The following CBFA2T3 variants were observed in gnomAD, a reference collection of about 807,000 sequenced individuals.
CBFA2T3 encodes CBFA2/RUNX1 partner transcriptional co-repressor 3.
Under a neutral mutation model 58.6 loss-of-function variants are expected in CBFA2T3, and 31 were observed. The ratio of observed to expected loss-of-function variants is 0.53; its 90% confidence interval spans 0.40 to 0.71. CBFA2T3 has a LOEUF of 0.71. Among genes scored for constraint, CBFA2T3 ranks in the 30% least tolerant of loss-of-function variants. The pLI is 0.00. For synonymous variants in CBFA2T3, 531 were observed against 421.9 expected (o/e 1.26, Z -3.17); for missense variants, 1,076 against 963.1 (o/e 1.12, Z -1.55).
In CBFA2T3 at chr16:88,958,011, G is replaced by A. The variant is rs989822585; in HGVS notation, c.151+18646C>T. The stretch of plus-strand genomic sequence containing the variant: ...AGATGTGTGGGTTATACCTCAACAA[G>A]GCTGCTGGAAAACCACAGTAGACCC... On this transcript the variant is annotated intron_variant, in intron 1 of 11. Coordinates refer to ENST00000268679, the MANE Select transcript of CBFA2T3 (RefSeq NM_005187.6). This position sits in a 1 kb window ranked among gnomAD's most constrained non-coding sequence, Gnocchi z 4.0. Among the ~76,000 whole-genome samples, 1 of 152,226 alleles carries A rather than the reference G, an allele frequency of 6.6e-6. No homozygotes were observed. Among genetic ancestry groups the A allele is most frequent in the Non-Finnish European group, 1.5e-5 (1 of 68,050 alleles).
intron 1 of CBFA2T3, among the ~76,000 whole-genome samples, chr16:88,913,435 T>G (rs1970592001): frequency 1.3e-5 from 2 of 152,248 alleles, no homozygotes; most frequent in African/African-American, 4.8e-5. Context: ...GCTTGTTACA[T>G]GGCGATAGCT....
intron 1 of CBFA2T3, 105 bp downstream of exon 1, chr16:88,976,552 G>T (rs930101839): frequency 2.3e-6 from 2 of 851,440 alleles, no homozygotes; most frequent in Non-Finnish European, 3.6e-6. Context: ...TGCCGGCACT[G>T]TCAACTAAGC....
chr16:88,896,300 C>T (rs73254230), intron 3 of CBFA2T3, among the ~76,000 whole-genome samples: 4,548 of 152,304 alleles, frequency 0.03, 237 homozygotes, highest in African/African-American at 0.1. Flanking sequence ...GGCTGCTCCC[C>T]TCAACCGGGC....
At chr16:88,915,309 G>A (rs1158344242) in intron 1 of CBFA2T3, among the ~76,000 whole-genome samples, 1 of 129,670 alleles carries the variant, frequency 7.7e-6, no homozygotes, top group South Asian at 2.8e-4. Flanking sequence ...CTCCTGCTCT[G>A]GGTCTGCCTA....
intron 1 of CBFA2T3, chr16:88,937,391 C>T (rs1971539924): frequency 6.5e-6 from 1 of 152,870 alleles, no homozygotes; most frequent in Non-Finnish European, 1.5e-5. Flanking sequence ...GCCAGTACCC[C>T]AGCAGTTGTG....
intron 1 of CBFA2T3, chr16:88,941,204 G>A (rs1164424280): frequency 2.0e-6 from 2 of 979,224 alleles, no homozygotes; most frequent in Non-Finnish European, 2.4e-6. Context: ...CGGCCGCCTG[G>A]GCCATGCCGG....
In CBFA2T3 at chr16:88,890,928, G is replaced by A. The variant is rs1969605649; in HGVS notation, c.711+954C>T. 3.3e-5 allele frequency among the ~76,000 whole-genome samples: 5 copies of A among 152,286 alleles called. No homozygotes were observed. In the Middle Eastern group the frequency reaches 0.01, roughly 311 times the overall value. ...GGGGTCTAGCTGTGTTGCCCAGGCT[G>A]GTCTTGAACTCCTGGCCTCAAGCAA... On this transcript the variant is annotated intron_variant, in intron 5 of 11. Coordinates refer to ENST00000268679, the MANE Select transcript of CBFA2T3 (RefSeq NM_005187.6).
Position 88,877,096 on chromosome 16 carries a change from G to T in CBFA2T3, c.1842C>A (p.Ala614=), listed in dbSNP as rs933434205. The part of the protein sequence containing the change: ...ADPVPGPPEA[A]HSLGPSLPVG... ...CAGGCAGGGAGGGGCCCAGGCTGTGGGCGGCTTCGGGCGGTCCAGGCACCG... is the reference window on the plus strand; with the variant it reads ...CAGGCAGGGAGGGGCCCAGGCTGTGTGCGGCTTCGGGCGGTCCAGGCACCG... The change falls in exon 12 of 12, where the codon GCC becomes GCA. Residue 614 remains alanine, a synonymous_variant. Transcript: ENST00000268679. 1.0e-5 allele frequency: 16 copies of T among 1,542,578 alleles called. No homozygotes were observed. Among genetic ancestry groups the T allele is most frequent in the Non-Finnish European group, 1.2e-5 (14 of 1,143,382 alleles).
At chr16:88,944,116 T>C (rs2142820503) in intron 1 of CBFA2T3, among the ~76,000 whole-genome samples, 1 of 152,040 alleles carries the variant, frequency 6.6e-6, no homozygotes, top group East Asian at 1.9e-4. Flanking sequence ...GGCCGGCGGA[T>C]CATGAGGTCA....
In CBFA2T3 at chr16:88,940,965, G is replaced by A. The variant is rs560733037; in HGVS notation, c.151+35692C>T. The A allele has an allele frequency of 1.8e-4, 158 of 874,506 alleles. 1 individual carries two copies. The African/African-American group carries it at 2.7e-3, about 15-fold the overall frequency. 54.2% of individuals were successfully genotyped at this position (874,506 alleles called of 1,614,324 possible). A position where few individuals can be genotyped will look rare whatever the true frequency, so the allele number is the denominator to read the frequency against. On this transcript the variant is annotated intron_variant, in intron 1 of 11. Coordinates refer to ENST00000268679, the MANE Select transcript of CBFA2T3 (RefSeq NM_005187.6). ...CGGCGCAGATCCGGGAACGGCAGCC[G>A]CGGGCGGAGTCGGGGTAGAGCGGCG...
chr16:88,905,679 A>AGGAGGGGCGGGGCT (rs1970287798), intron 1 of CBFA2T3, among the ~76,000 whole-genome samples: 1 of 112,630 alleles, frequency 8.9e-6, no homozygotes, highest in Non-Finnish European at 1.8e-5. Context: ...GTGGGGCTGA[A>AGGAGGGGCGGGGCT]GGAGGGGCGG....
At chr16:88,880,865 T>C in intron 9 of CBFA2T3, 77 bp from the exon 10 acceptor site, 1 of 1,358,374 alleles carries the variant, frequency 7.4e-7, no homozygotes, top group South Asian at 1.3e-5. Context: ...CCACCCTGGC[T>C]GGGCCCTGAG....
intron 1 of CBFA2T3, among the ~76,000 whole-genome samples, chr16:88,920,528 G>A (rs1369747085): frequency 2.0e-5 from 3 of 150,364 alleles, no homozygotes; most frequent in East Asian, 2.0e-4. Flanking sequence ...CAAGTGATCC[G>A]CCCACCTCGG....
At chr16:88,949,869 G>C (rs1475819576) in intron 1 of CBFA2T3, among the ~76,000 whole-genome samples, 2 of 151,944 alleles carry the variant, frequency 1.3e-5, no homozygotes, top group African/African-American at 4.8e-5. Flanking sequence ...AATTAGCTGG[G>C]CGTGGTGGTG....
At chr16:88,886,185 C>A in intron 5 of CBFA2T3, 43 bp from the exon 6 acceptor site, 1 of 1,419,112 alleles carries the variant, frequency 7.0e-7, no homozygotes. Context: ...TGCAGGGGTG[C>A]ACAGCCCTGC....
At chr16:88,932,886 T>G (rs28408797) in intron 1 of CBFA2T3, among the ~76,000 whole-genome samples, 13 of 148,926 alleles carry the variant, frequency 8.7e-5, no homozygotes, top group African/African-American at 3.2e-4. Context: ...GGAGAATCAC[T>G]TGAACCCGGG....
intron 1 of CBFA2T3, among the ~76,000 whole-genome samples, chr16:88,954,728 G>A (rs1167432817): frequency 4.7e-5 from 2 of 42,126 alleles, no homozygotes; most frequent in Non-Finnish European, 1.0e-4. Flanking sequence ...CCCTACCCAA[G>A]GCTCCTGACC....
chr16:88,877,964 G>A (rs1968903664), intron 11 of CBFA2T3, among the ~76,000 whole-genome samples: 2 of 152,332 alleles, frequency 1.3e-5, no homozygotes, highest in Non-Finnish European at 2.9e-5. Flanking sequence ...GGCCTCCAAA[G>A]CCTCTGGTAC....
rs536677177 is a variant in CBFA2T3, at chr16:88,912,166, C to T, written c.152-10510G>A. ...CCACCCGCGCCTCCCCAACCCACTA[C>T]GTGGCTCCAGGCGGACCTGGCCTTG... is the stretch of plus-strand genomic sequence containing the variant. On this transcript the variant is annotated intron_variant, in intron 1 of 11. Coordinates refer to ENST00000268679, the MANE Select transcript of CBFA2T3 (RefSeq NM_005187.6). 1.6e-4 allele frequency among the ~76,000 whole-genome samples: 24 copies of T among 152,394 alleles called. No individual in the cohort carries two copies. The South Asian group carries it at 4.8e-3, about 30-fold the overall frequency.
Sources: allele counts gnomAD v4.1 joint callset (sites outside exome capture counted in the v4.1 genomes callset), GRCh38; gene constraint gnomAD v4.1.1; non-coding constraint Gnocchi (gnomAD v3.1); transcripts MANE v1.5; gene names NCBI Gene and HGNC (gene_info 2026-07-23, HGNC 2026-07-21).